CAB39L: variants seen among roughly 807,000 people sequenced by gnomAD.
CAB39L encodes the protein calcium binding protein 39 like, also known as calcium-binding protein 39-like.
In CAB39L, 23 loss-of-function variants were observed where a neutral mutation model predicts 39.1. The observed-to-expected ratio is 0.59, with a 90% CI of 0.42 to 0.83. CAB39L has a LOEUF of 0.83. Among genes scored for constraint, CAB39L ranks in the 40% least tolerant of loss-of-function variants. The pLI, the probability that CAB39L is intolerant of heterozygous loss-of-function variation, is 0.00. For synonymous variants in CAB39L, 126 were observed against 137.2 expected, an observed-to-expected ratio of 0.92 and a Z score of 0.57; for missense variants, 366 against 391.9, an observed-to-expected ratio of 0.93 and a Z score of 0.56.
chr13:49,345,078 C>T (rs1955108400), intron 7 of CAB39L, among the ~76,000 whole-genome samples: 1 of 152,176 alleles, frequency 6.6e-6, no homozygotes, highest in African/African-American at 2.4e-5. Context: ...ACAAGCCTCA[C>T]TTAATCCCTT....
chr13:49,411,494 C>T (rs887016640), intron 3 of CAB39L, among the ~76,000 whole-genome samples: 16 of 151,754 alleles, frequency 1.1e-4, no homozygotes, highest in African/African-American at 3.6e-4. Context: ...AAAGTGCTAT[C>T]CTTCCAGACC....
intron 3 of CAB39L, among the ~76,000 whole-genome samples, chr13:49,405,621 A>C (rs1956853737): frequency 6.6e-6 from 1 of 151,842 alleles, no homozygotes; most frequent in Non-Finnish European, 1.5e-5. Flanking sequence ...CAAAAAATCA[A>C]AATTAGCCAG....
chr13:49,407,873 A>C (rs1195260934), intron 3 of CAB39L, among the ~76,000 whole-genome samples: 1 of 151,284 alleles, frequency 6.6e-6, no homozygotes, highest in Non-Finnish European at 1.5e-5. Context: ...AAAAAAAAAA[A>C]AAAAATAGAA....
intron 3 of CAB39L, among the ~76,000 whole-genome samples, chr13:49,421,476 A>G (rs1320999308): frequency 6.6e-6 from 1 of 152,054 alleles, no homozygotes; most frequent in Non-Finnish European, 1.5e-5. Context: ...CCCCCTTCCC[A>G]TCTGCGCTAG....
chr13:49,333,870 C>G (rs907328771), intron 9 of CAB39L, among the ~76,000 whole-genome samples: 3 of 151,838 alleles, frequency 2.0e-5, no homozygotes, highest in Admixed American at 1.3e-4. Context: ...CCACACCCGG[C>G]CTCTAGACCC....
chr13:49,395,856 A>G, intron 3 of CAB39L, among the ~76,000 whole-genome samples: 1 of 152,024 alleles, frequency 6.6e-6, no homozygotes, highest in East Asian at 1.9e-4. Context: ...GTAGGAGAGG[A>G]CCTAGGGGAA....
At chr13:49,424,757 T>G (rs1193090534) in intron 3 of CAB39L, among the ~76,000 whole-genome samples, 1 of 152,192 alleles carries the variant, frequency 6.6e-6, no homozygotes, top group Non-Finnish European at 1.5e-5. Context: ...TAATTTAGTT[T>G]TTAAAAGTCA....
intron 3 of CAB39L, among the ~76,000 whole-genome samples, chr13:49,405,925 A>G (rs1956867158): frequency 6.6e-6 from 1 of 152,158 alleles, no homozygotes; most frequent in Non-Finnish European, 1.5e-5. Flanking sequence ...GACAAACTTC[A>G]CATGTTCTCA....
In CAB39L at chr13:49,328,063, A is replaced by G. The variant is rs79476263; in HGVS notation, c.834+3884T>C. On this transcript the variant is annotated intron_variant, in intron 10 of 10. Transcript: ENST00000409308. ...CTTCCAAGCACCTATCAACGACTTTAAGAGAGGATTTACTGTACATAACCC... is the reference window on the plus strand; with the variant it reads ...CTTCCAAGCACCTATCAACGACTTTGAGAGAGGATTTACTGTACATAACCC... 5.1e-3 allele frequency among the ~76,000 whole-genome samples: 779 copies of G among 152,334 alleles called. 5 individuals carry two copies. Among genetic ancestry groups the G allele is most frequent in the African/African-American group, 0.018 (731 of 41,568 alleles).
At chr13:49,313,333 T>G (rs1954052526) in intron 10 of CAB39L, among the ~76,000 whole-genome samples, 1 of 151,944 alleles carries the variant, frequency 6.6e-6, no homozygotes, top group Non-Finnish European at 1.5e-5. Context: ...TACAAAAAAT[T>G]AGCCAGGCGT....
At chr13:49,426,048 T>G (rs1252006033) in intron 3 of CAB39L, among the ~76,000 whole-genome samples, 2 of 152,160 alleles carry the variant, frequency 1.3e-5, no homozygotes, top group Admixed American at 1.3e-4. Context: ...TAAAGCTTTG[T>G]GGGGGTCCTA....
intron 5 of CAB39L, among the ~76,000 whole-genome samples, chr13:49,364,944 A>G (rs1955733940): frequency 6.6e-6 from 1 of 152,212 alleles, no homozygotes; most frequent in Admixed American, 6.5e-5. Flanking sequence ...AGAAAAAACC[A>G]TCCTAAAATT....
At chr13:49,433,938 G>A in intron 2 of CAB39L, 148 bp downstream of exon 2, 2 of 326,158 alleles carry the variant, frequency 6.1e-6, no homozygotes, top group East Asian at 8.7e-5. Context: ...ACCCATGCCT[G>A]CTAGATTTTT....
intron 7 of CAB39L, among the ~76,000 whole-genome samples, chr13:49,349,838 T>A (rs9596085): frequency 6.6e-6 from 1 of 151,974 alleles, no homozygotes; most frequent in African/African-American, 2.4e-5. Context: ...CTTCAAAATA[T>A]GTTAAATAAT....
At chr13:49,320,737 A>C (rs1329832927) in intron 10 of CAB39L, among the ~76,000 whole-genome samples, 1 of 152,226 alleles carries the variant, frequency 6.6e-6, no homozygotes, top group Non-Finnish European at 1.5e-5. Flanking sequence ...CGAAGTGTCA[A>C]ATAAGGCAAC....
At chr13:49,383,328 C>T (rs1956287363) in intron 3 of CAB39L, among the ~76,000 whole-genome samples, 2 of 152,014 alleles carry the variant, frequency 1.3e-5, no homozygotes, top group South Asian at 4.1e-4. Context: ...GCTATTATTA[C>T]AAGAAGTTCC....
chr13:49,336,572 C>T (rs1954853627), intron 9 of CAB39L, among the ~76,000 whole-genome samples: 1 of 152,180 alleles, frequency 6.6e-6, no homozygotes, highest in South Asian at 2.1e-4. Flanking sequence ...CACCTTAGTT[C>T]ACATAAATCT....
intron 3 of CAB39L, among the ~76,000 whole-genome samples, chr13:49,431,706 T>TA (rs1411205115): frequency 6.0e-5 from 9 of 149,278 alleles, no homozygotes; most frequent in African/African-American, 2.0e-4. Flanking sequence ...GACTCTGTCT[T>TA]AAAAAAAAAT....
At chr13:49,434,626 G>A (rs1435971560) in intron 1 of CAB39L, among the ~76,000 whole-genome samples, 1 of 152,018 alleles carries the variant, frequency 6.6e-6, no homozygotes. Context: ...TTGGGAGGCC[G>A]AGGCAGGAGG....
Sources: allele counts gnomAD v4.1 joint callset (sites outside exome capture counted in the v4.1 genomes callset), GRCh38; gene constraint gnomAD v4.1.1; transcripts MANE v1.5; gene names NCBI Gene and HGNC (gene_info 2026-07-23, HGNC 2026-07-21).